Variants in PLD5 observed in about 807,000 individuals in gnomAD.
PLD5 encodes phospholipase D family member 5.
A neutral mutation model predicts 61.1 loss-of-function variants in PLD5; 36 were observed. That is an observed-to-expected ratio of 0.59 (90% confidence interval 0.45 to 0.78). The LOEUF (loss-of-function observed/expected upper bound fraction) is 0.78, where lower values mean the gene tolerates loss of function less well. PLD5 is among the 30% of genes least tolerant of loss of function. The probability of loss-of-function intolerance (pLI) is 0.00; values close to 1 mark genes in which losing one functional copy is unlikely to be tolerated. For missense variants in PLD5, 515 were observed against 644.4 expected (o/e 0.80, Z 2.17); for synonymous variants, 243 against 242.8 (o/e 1.00, Z -0.01).
chr1:242,515,107 C>CT (rs1669060642), intron 1 of PLD5, among the ~76,000 whole-genome samples: 1 of 152,120 alleles, frequency 6.6e-6, no homozygotes, highest in South Asian at 2.1e-4. Flanking sequence ...AGTATTAGCT[C>CT]CCCAGAAGCC....
chr1:242,529,214 T>A (rs550439885), upstream of PLD5, among the ~76,000 whole-genome samples: 1 of 152,244 alleles, frequency 6.6e-6, no homozygotes, highest in Admixed American at 6.5e-5. Context: ...AGCATTAATA[T>A]GAGAAGGGTC....
intron 1 of PLD5, among the ~76,000 whole-genome samples, chr1:242,416,917 A>G (rs1367903079): frequency 6.6e-6 from 1 of 152,210 alleles, no homozygotes; most frequent in Non-Finnish European, 1.5e-5. Flanking sequence ...CATTTATTGG[A>G]GCCCCTGTTG....
At chr1:242,470,371 AAAGAAAG>A (rs1558589772) in intron 1 of PLD5, among the ~76,000 whole-genome samples, 4 of 75,064 alleles carry the variant, frequency 5.3e-5, no homozygotes, top group African/African-American at 1.1e-4. Context: ...AGAAAGAAAG[AAAGAAAG>A]AAAAAAAAGA....
intron 2 of PLD5, among the ~76,000 whole-genome samples, chr1:242,290,664 A>C (rs1246816820): frequency 6.6e-6 from 1 of 152,052 alleles, no homozygotes; most frequent in Middle Eastern, 3.2e-3. Flanking sequence ...GGAAAAAAAG[A>C]AGCTTGAATT....
chr1:242,470,877 T>C (rs1667430013), intron 1 of PLD5, among the ~76,000 whole-genome samples: 1 of 152,228 alleles, frequency 6.6e-6, no homozygotes, highest in African/African-American at 2.4e-5. Context: ...TCCGCTTGCT[T>C]GTATCCTGCA....
chr1:242,449,462 A>C, intron 1 of PLD5: 6 of 1,534,332 alleles, frequency 3.9e-6, no homozygotes, highest in Non-Finnish European at 4.4e-6. Context: ...AGAATGTTTC[A>C]TGTGGCACAA....
chr1:242,403,797 G>C (rs974057436), intron 1 of PLD5, among the ~76,000 whole-genome samples: 25 of 152,184 alleles, frequency 1.6e-4, no homozygotes, highest in African/African-American at 5.8e-4. Context: ...TCTGGTCACA[G>C]TGGGACCCTC....
chr1:242,229,809 T>C (rs1671182228), intron 4 of PLD5, among the ~76,000 whole-genome samples: 1 of 152,126 alleles, frequency 6.6e-6, no homozygotes, highest in Non-Finnish European at 1.5e-5. Context: ...TAGAATATCA[T>C]TGCCTCTACA....
At chr1:242,295,162 G>A (rs1428668201) in intron 2 of PLD5, among the ~76,000 whole-genome samples, 4 of 152,178 alleles carry the variant, frequency 2.6e-5, no homozygotes, top group Admixed American at 1.3e-4. Context: ...AGATTCAGGG[G>A]TACACACGCA....
At chr1:242,167,112 T>A (rs1237195669) in intron 5 of PLD5, among the ~76,000 whole-genome samples, 4 of 131,358 alleles carry the variant, frequency 3.0e-5, no homozygotes, top group Non-Finnish European at 6.3e-5. Flanking sequence ...ATAATAATAA[T>A]AATAAATAGT....
intron 1 of PLD5, among the ~76,000 whole-genome samples, chr1:242,463,552 C>T (rs1667184500): frequency 6.6e-6 from 1 of 152,154 alleles, no homozygotes; most frequent in African/African-American, 2.4e-5. Context: ...CATTCTTACC[C>T]TCAGCTTAAG....
chr1:242,342,819 A>AGACATTTG (rs1464001642), intron 2 of PLD5, among the ~76,000 whole-genome samples: 1 of 152,206 alleles, frequency 6.6e-6, no homozygotes, highest in African/African-American at 2.4e-5. Flanking sequence ...GCTCATTAAA[A>AGACATTTG]GACATTTGGA....
At chr1:242,135,764 C>A (rs1218497975) in intron 5 of PLD5, among the ~76,000 whole-genome samples, 1 of 152,104 alleles carries the variant, frequency 6.6e-6, no homozygotes, top group African/African-American at 2.4e-5. Flanking sequence ...ACTTTGAGAT[C>A]CACCCTCTCA....
chr1:242,417,165 G>T (rs1664876246), intron 1 of PLD5, among the ~76,000 whole-genome samples: 1 of 152,182 alleles, frequency 6.6e-6, no homozygotes, highest in East Asian at 1.9e-4. Context: ...TTAGCTATGG[G>T]GTTAATCTGG....
chr1:242,478,999 G>A (rs770174985), intron 1 of PLD5, among the ~76,000 whole-genome samples: 12 of 152,164 alleles, frequency 7.9e-5, no homozygotes, highest in Non-Finnish European at 1.8e-4. Flanking sequence ...TAATGATATT[G>A]TTTAATGGAA....
chr1:242,197,970 A>G (rs316826), intron 5 of PLD5, among the ~76,000 whole-genome samples: 3,132 of 152,214 alleles, frequency 0.021, 106 homozygotes, highest in African/African-American at 0.072. Context: ...TTATGTTCTT[A>G]GTATAATGTG....
chr1:242,281,702 G>A (rs1228564598), intron 3 of PLD5, among the ~76,000 whole-genome samples: 2 of 152,156 alleles, frequency 1.3e-5, no homozygotes, highest in Non-Finnish European at 2.9e-5. Flanking sequence ...TAGAATTCTT[G>A]AGAATGGGGC....
At chr1:242,159,788 C>T (rs1011035932) in intron 5 of PLD5, among the ~76,000 whole-genome samples, 1 of 152,136 alleles carries the variant, frequency 6.6e-6, no homozygotes, top group Non-Finnish European at 1.5e-5. Context: ...TTTTCTGCAG[C>T]AGCTGCTATT....
At position 242,087,479 on chromosome 1, in the gene PLD5, A is replaced by G. The variant is rs1392315424; in HGVS notation, c.*2375T>C. 1 of 151,978 alleles carries G rather than the reference A, an allele frequency of 6.6e-6. No individual in the cohort carries two copies. Among genetic ancestry groups the G allele is most frequent in the African/African-American group, 2.4e-5 (1 of 41,366 alleles). 9.4% of individuals were successfully genotyped at this position (151,978 alleles called of 1,614,324 possible). ...CAGGGGACAACTTGAGAACTAACAA[A>G]TTTTAGTTTATTTGGTTTTTTTTTC... On this transcript the variant is annotated 3_prime_UTR_variant, in exon 10 of 10. Transcript: ENST00000536534.
Sources: gnomAD v4.1 joint callset for allele counts (sites outside exome capture counted in the v4.1 genomes callset) on GRCh38, gnomAD v4.1.1 for gene constraint, MANE v1.5 for transcripts, NCBI Gene and HGNC (gene_info 2026-07-23, HGNC 2026-07-21) for gene names.